RHOU: variants seen among roughly 807,000 people sequenced by gnomAD.
The protein encoded by RHOU is rho-related GTP-binding protein RhoU.
RHOU carries 8 observed loss-of-function variants against 12.6 expected under a neutral mutation model. The observed-to-expected ratio is 0.64, with a 90% CI of 0.37 to 1.15. RHOU has a LOEUF of 1.15. RHOU is among the 50% of genes most tolerant of loss of function. The probability of loss-of-function intolerance (pLI) is 0.01; values close to 1 mark genes in which losing one functional copy is unlikely to be tolerated. For missense variants in RHOU, 258 were observed against 347.0 expected, an observed-to-expected ratio of 0.74 and a Z score of 2.04; for synonymous variants, 161 against 147.4, an observed-to-expected ratio of 1.09 and a Z score of -0.67.
At position 228,743,858 on chromosome 1, in the gene RHOU, T is replaced by C. The variant is rs1662774163; in HGVS notation, c.*118T>C. The stretch of plus-strand genomic sequence containing the variant: ...ATATCGAGAGTGTGTGTATATGTAT[T>C]ATAGGAGGAGCTCTCAATTTTATGT... On this transcript the variant is annotated 3_prime_UTR_variant, in exon 3 of 3. Transcript: ENST00000366691. This position sits in a 1 kb window ranked among gnomAD's most constrained non-coding sequence, Gnocchi z 5.1. 1.2e-6 allele frequency: 1 copy of C among 829,714 alleles called. No individual in the cohort carries two copies. Among genetic ancestry groups the C allele is most frequent in the Non-Finnish European group, 1.8e-6 (1 of 541,878 alleles). The allele number at this position is 829,714 out of a possible 1,614,324, so 51.4% of individuals were successfully genotyped here.
At chr1:228,694,010 C>T in the RHOU span, among the ~76,000 whole-genome samples, 1 of 152,206 alleles carries the variant, frequency 6.6e-6, no homozygotes, top group Non-Finnish European at 1.5e-5. Flanking sequence ...TAATTCTAGA[C>T]AGTGCCAGAA....
At chr1:228,673,161 A>G in the RHOU span, among the ~76,000 whole-genome samples, 1 of 152,218 alleles carries the variant, frequency 6.6e-6, no homozygotes, top group Non-Finnish European at 1.5e-5. Context: ...GAAATAGAAC[A>G]TTCTTAGTAT....
At chr1:228,726,855 C>T in the RHOU span, among the ~76,000 whole-genome samples, 1 of 152,122 alleles carries the variant, frequency 6.6e-6, no homozygotes, top group South Asian at 2.1e-4. Flanking sequence ...GATTTGTGAT[C>T]ACCTGGAAGA....
chr1:228,727,215 T>C, the RHOU span, among the ~76,000 whole-genome samples: 6 of 152,358 alleles, frequency 3.9e-5, no homozygotes, highest in African/African-American at 1.4e-4. Flanking sequence ...ATCTCAATCA[T>C]AGCATAAGTA....
chr1:228,743,347 C>T lies in RHOU; in HGVS notation c.384C>T (p.Phe128=), dbSNP rs1662762246. The T allele has an allele frequency of 6.2e-7, 1 of 1,614,216 alleles. No individual in the cohort carries two copies. The highest frequency in any genetic ancestry group is 8.5e-7 in the Non-Finnish European group (1 of 1,180,022). The change falls in exon 3 of 3, where the codon TTC becomes TTT. Residue 128 remains phenylalanine (F), a synonymous_variant. Transcript: ENST00000366691. This position sits in a 1 kb window ranked among gnomAD's most constrained non-coding sequence, Gnocchi z 5.1. ...YTNTDIFLLC[F]SVVSPSSFQN... ...ACACAGACATCTTCCTGCTCTGCTT[C>T]AGTGTCGTGAGCCCCTCATCCTTCC...
At chr1:228,646,839 G>T in the RHOU span, among the ~76,000 whole-genome samples, 1 of 151,964 alleles carries the variant, frequency 6.6e-6, no homozygotes, top group African/African-American at 2.4e-5. Context: ...GACACACACG[G>T]CTTGAAGGAG....
chr1:228,721,827 T>C, the RHOU span, among the ~76,000 whole-genome samples: 1 of 152,202 alleles, frequency 6.6e-6, no homozygotes, highest in Non-Finnish European at 1.5e-5. Flanking sequence ...TTGTATTTTG[T>C]ATTTTTAGTA....
chr1:228,648,529 C>T, the RHOU span, among the ~76,000 whole-genome samples: 5 of 152,176 alleles, frequency 3.3e-5, no homozygotes, highest in South Asian at 2.1e-4. Context: ...TGCTGCCCCT[C>T]TTGCAAGACC....
the RHOU span, among the ~76,000 whole-genome samples, chr1:228,694,443 C>T: frequency 6.6e-6 from 1 of 152,098 alleles, no homozygotes; most frequent in Non-Finnish European, 1.5e-5. Flanking sequence ...GTATTTTGCC[C>T]GGAATCCATT....
chr1:228,716,327 G>A, the RHOU span, among the ~76,000 whole-genome samples: 1 of 152,038 alleles, frequency 6.6e-6, no homozygotes, highest in Non-Finnish European at 1.5e-5. Context: ...GGTCCACTGT[G>A]GCATCCCACA....
chr1:228,646,679 G>A, the RHOU span, among the ~76,000 whole-genome samples: 4 of 149,192 alleles, frequency 2.7e-5, no homozygotes, highest in Admixed American at 6.7e-5. Context: ...TCTCGGGTGA[G>A]AGGGCCTGAG....
chr1:228,647,062 C>G, the RHOU span, among the ~76,000 whole-genome samples: 3 of 152,248 alleles, frequency 2.0e-5, no homozygotes, highest in East Asian at 1.9e-4. Context: ...AGAGCGAGAA[C>G]GTTTGAGCCT....
At chr1:228,703,451 G>C in the RHOU span, among the ~76,000 whole-genome samples, 1 of 151,900 alleles carries the variant, frequency 6.6e-6, no homozygotes, top group Admixed American at 6.6e-5. Context: ...GCGTGAACCC[G>C]GGAGGTGATG....
the RHOU span, among the ~76,000 whole-genome samples, chr1:228,653,314 C>T: frequency 1.3e-5 from 2 of 152,068 alleles, no homozygotes; most frequent in Non-Finnish European, 1.5e-5. Flanking sequence ...GCCATCATGT[C>T]GGACTAATTT....
intron 1 of RHOU, 62 bp downstream of exon 1, chr1:228,736,066 GGTGGCGCGA>G (rs1662603630): frequency 6.6e-7 from 1 of 1,510,788 alleles, no homozygotes; most frequent in East Asian, 2.6e-5. Flanking sequence ...GGGGAAGGAA[GGTGGCGCGA>G]GGGTCGCGAG....
the RHOU span, among the ~76,000 whole-genome samples, chr1:228,646,763 C>T: frequency 7.2e-5 from 11 of 152,190 alleles, no homozygotes; most frequent in African/African-American, 2.2e-4. Flanking sequence ...CGTTCGTTCT[C>T]GTTCCGGAAC....
chr1:228,647,500 G>C, the RHOU span, among the ~76,000 whole-genome samples: 2 of 152,322 alleles, frequency 1.3e-5, no homozygotes, highest in South Asian at 2.1e-4. Flanking sequence ...CCTTCCTCCC[G>C]GGTAAAGCAG....
At chr1:228,740,817 G>A (rs369678951) in intron 2 of RHOU, among the ~76,000 whole-genome samples, 6 of 152,182 alleles carry the variant, frequency 3.9e-5, no homozygotes, top group East Asian at 1.9e-4. Context: ...GAGTATGGAT[G>A]GCTCTACATG....
At chr1:228,659,011 C>A in the RHOU span, among the ~76,000 whole-genome samples, 1 of 152,044 alleles carries the variant, frequency 6.6e-6, no homozygotes, top group Admixed American at 6.5e-5. Flanking sequence ...CACAGTACAG[C>A]AAAACTTTGG....
Sources: allele counts gnomAD v4.1 joint callset (sites outside exome capture counted in the v4.1 genomes callset), GRCh38; gene constraint gnomAD v4.1.1; non-coding constraint Gnocchi (gnomAD v3.1); transcripts MANE v1.5; gene names NCBI Gene and HGNC (gene_info 2026-07-23, HGNC 2026-07-21).